SOX5: variants seen among roughly 807,000 people sequenced by gnomAD.
The protein encoded by SOX5 is transcription factor SOX-5.
Under a neutral mutation model 92.0 loss-of-function variants are expected in SOX5, and 9 were observed. That is an observed-to-expected ratio of 0.10 (90% CI 0.06 to 0.17). The LOEUF (loss-of-function observed/expected upper bound fraction) is 0.17. Among genes scored for constraint, SOX5 ranks in the 10% least tolerant of loss-of-function variants. The pLI is 1.00. For missense variants in SOX5, 642 were observed against 944.5 expected, an observed-to-expected ratio of 0.68 and a Z score of 4.20; for synonymous variants, 344 against 336.3, an observed-to-expected ratio of 1.02 and a Z score of -0.25.
intron 4 of SOX5, among the ~76,000 whole-genome samples, chr12:24,095,942 C>T (rs1433489751): frequency 1.3e-5 from 2 of 152,136 alleles, no homozygotes; most frequent in African/African-American, 4.8e-5. Flanking sequence ...AACTTCTTTC[C>T]TTTATAAGTT....
chr12:24,122,542 T>G (rs1948732752), intron 4 of SOX5, among the ~76,000 whole-genome samples: 1 of 152,222 alleles, frequency 6.6e-6, no homozygotes, highest in Non-Finnish European at 1.5e-5. Context: ...TTACACTTGT[T>G]TTTGACATTT....
chr12:24,296,024 T>C (rs1367038435), intron 2 of SOX5, among the ~76,000 whole-genome samples: 1 of 152,190 alleles, frequency 6.6e-6, no homozygotes, highest in Non-Finnish European at 1.5e-5. Context: ...TTAGAATATG[T>C]CTCATCCTTA....
intron 1 of SOX5, among the ~76,000 whole-genome samples, chr12:23,945,175 A>G (rs1308819928): frequency 6.6e-6 from 1 of 152,170 alleles, no homozygotes; most frequent in Non-Finnish European, 1.5e-5. Context: ...AGTATAATCC[A>G]TATGAAATAG....
intron 2 of SOX5, among the ~76,000 whole-genome samples, chr12:23,880,935 A>T (rs11047146): frequency 0.12 from 17,571 of 152,148 alleles, 1,195 homozygotes; most frequent in Middle Eastern, 0.19. Context: ...CGTTTTTTCT[A>T]CCCAAAGTGG....
intron 3 of SOX5, among the ~76,000 whole-genome samples, chr12:23,814,944 C>T (rs1014278982): frequency 6.6e-6 from 1 of 152,048 alleles, no homozygotes; most frequent in Non-Finnish European, 1.5e-5. Flanking sequence ...TTTTAAAAGT[C>T]TAATATTTTG....
chr12:23,923,327 A>ATGAATGAG (rs1555429767), intron 1 of SOX5, among the ~76,000 whole-genome samples: 16 of 151,714 alleles, frequency 1.1e-4, no homozygotes, highest in South Asian at 2.1e-4. Context: ...GAATGAATGA[A>ATGAATGAG]TGAATACGTA....
Position 24,168,497 on chromosome 12 carries a change from GCTTTT to G in SOX5, c.-2+44841_-2+44845del, listed in dbSNP as rs546977480. Among the ~76,000 whole-genome samples the G allele has an allele frequency of 7.4e-3, 1,128 of 152,182 alleles. 3 individuals carry two copies. Among genetic ancestry groups the G allele is most frequent in the Non-Finnish European group, 0.012 (822 of 67,996 alleles). On this transcript the variant is annotated intron_variant, in intron 4 of 4. Coordinates refer to the SOX5 transcript ENST00000446891. ...TTCAATAGAGATACTAAAATAAGCT[GCTTTT>G]ATTTTTTATTTATTTTAGAGGATGG...
chr12:23,808,677 T>C (rs1034366343), intron 3 of SOX5, among the ~76,000 whole-genome samples: 16 of 152,150 alleles, frequency 1.1e-4, no homozygotes, highest in African/African-American at 2.4e-4. Context: ...CATCTTTCCA[T>C]AGTTTTATGG....
intron 4 of SOX5, among the ~76,000 whole-genome samples, chr12:24,155,111 G>A (rs530631493): frequency 6.6e-6 from 1 of 152,116 alleles, no homozygotes; most frequent in Non-Finnish European, 1.5e-5. Flanking sequence ...GCTCAGACAA[G>A]TCTCATCACA....
intron 4 of SOX5, among the ~76,000 whole-genome samples, chr12:24,082,426 A>T (rs1404226853): frequency 1.3e-5 from 2 of 149,928 alleles, no homozygotes; most frequent in African/African-American, 4.9e-5. Flanking sequence ...AAAAAAAAAA[A>T]AAAAAAAAGA....
chr12:24,488,310 A>T (rs1198355789), intron 1 of SOX5, among the ~76,000 whole-genome samples: 1 of 152,194 alleles, frequency 6.6e-6, no homozygotes, highest in Non-Finnish European at 1.5e-5. Flanking sequence ...TCTACAAAGC[A>T]GGGTGTGGTA....
At chr12:23,879,341 TAGAAA>T (rs1385656227) in intron 2 of SOX5, among the ~76,000 whole-genome samples, 3 of 151,290 alleles carry the variant, frequency 2.0e-5, no homozygotes, top group Middle Eastern at 3.2e-3. Context: ...AAAAAAAAAC[TAGAAA>T]AGAAATTAAC....
At chr12:23,641,599 T>C (rs1223822101) in intron 7 of SOX5, among the ~76,000 whole-genome samples, 1 of 152,094 alleles carries the variant, frequency 6.6e-6, no homozygotes, top group East Asian at 1.9e-4. Flanking sequence ...CCTGTAAAAA[T>C]ATAGGCACAC....
At chr12:23,989,585 C>T (rs1317235522) in intron 4 of SOX5, among the ~76,000 whole-genome samples, 2 of 152,080 alleles carry the variant, frequency 1.3e-5, no homozygotes, top group Non-Finnish European at 2.9e-5. Context: ...TCCAATGTGA[C>T]ATTAGGAGGT....
chr12:24,405,973 G>A (rs1253901641), intron 1 of SOX5, among the ~76,000 whole-genome samples: 1 of 152,070 alleles, frequency 6.6e-6, no homozygotes, highest in African/African-American at 2.4e-5. Flanking sequence ...AGGCTTCAGA[G>A]GAAACCTTTA....
At chr12:24,520,287 C>G (rs909371828) in intron 1 of SOX5, among the ~76,000 whole-genome samples, 3 of 151,808 alleles carry the variant, frequency 2.0e-5, no homozygotes, top group Non-Finnish European at 2.9e-5. Flanking sequence ...ATGAAACACT[C>G]TAAAGATGGT....
intron 3 of SOX5, among the ~76,000 whole-genome samples, chr12:23,803,923 C>T (rs777995724): frequency 4.6e-5 from 7 of 152,102 alleles, no homozygotes; most frequent in Non-Finnish European, 1.0e-4. Flanking sequence ...TGTGATTAAC[C>T]GTAAAGTCCA....
chr12:24,140,381 T>C (rs74071435), intron 4 of SOX5, among the ~76,000 whole-genome samples: 2,905 of 152,254 alleles, frequency 0.019, 100 homozygotes, highest in African/African-American at 0.066. Flanking sequence ...ATAGAAAGAA[T>C]ACAAATTAAG....
rs10842216 is a variant in SOX5 at position 23,706,527 on chromosome 12, G to C, written c.810+28157C>G. Among the ~76,000 whole-genome samples the C allele has an allele frequency of 7.3e-5, 11 of 151,624 alleles. No individual in the cohort carries two copies. In the East Asian group the frequency reaches 1.7e-3, roughly 24 times the overall value. ...AAGTTGGAAAGTCTAGAACTATAGA[G>C]GGACAAAATATACCACATTTTATAA... On this transcript the variant is annotated intron_variant, in intron 6 of 14. Transcript: ENST00000451604.
Sources: gnomAD v4.1 joint callset for allele counts (sites outside exome capture counted in the v4.1 genomes callset) on GRCh38, gnomAD v4.1.1 for gene constraint, MANE v1.5 for transcripts, NCBI Gene and HGNC (gene_info 2026-07-23, HGNC 2026-07-21) for gene names.